Variants in KCNQ5 observed in about 807,000 individuals in gnomAD.
The protein encoded by KCNQ5 is potassium voltage-gated channel subfamily KQT member 5.
In KCNQ5, 30 loss-of-function variants were observed where a neutral mutation model predicts 98.2. That is an observed-to-expected ratio of 0.31 (90% CI 0.23 to 0.41). The LOEUF (loss-of-function observed/expected upper bound fraction) is 0.41. KCNQ5 is among the 10% of genes least tolerant of loss of function. KCNQ5 has a pLI of 1.00. For missense variants in KCNQ5, 835 were observed against 1,182.5 expected, an observed-to-expected ratio of 0.71 and a Z score of 4.31; for synonymous variants, 458 against 449.4, an observed-to-expected ratio of 1.02 and a Z score of -0.24.
chr6:73,167,206 A>G (rs942120204), intron 10 of KCNQ5, among the ~76,000 whole-genome samples: 2 of 152,190 alleles, frequency 1.3e-5, no homozygotes, highest in Admixed American at 1.3e-4. Flanking sequence ...GTCAGAACCA[A>G]CTGTCAAACA....
chr6:72,834,513 G>T (rs1329100314), intron 1 of KCNQ5, among the ~76,000 whole-genome samples: 1 of 152,096 alleles, frequency 6.6e-6, no homozygotes, highest in Admixed American at 6.6e-5. Context: ...TTGATAATTT[G>T]CAAGACCTGA....
At chr6:72,775,847 GC>G (rs879841682) in intron 1 of KCNQ5, among the ~76,000 whole-genome samples, 6 of 152,138 alleles carry the variant, frequency 3.9e-5, no homozygotes, top group Non-Finnish European at 5.9e-5. Context: ...AACAAGGAAA[GC>G]CTGAGAACTT....
chr6:72,747,125 T>C (rs1771445654), intron 1 of KCNQ5, among the ~76,000 whole-genome samples: 1 of 152,164 alleles, frequency 6.6e-6, no homozygotes, highest in Non-Finnish European at 1.5e-5. Context: ...CTAACTGATA[T>C]TTGATATCTC....
chr6:73,178,465 A>G (rs1284638486), intron 11 of KCNQ5, among the ~76,000 whole-genome samples: 1 of 149,324 alleles, frequency 6.7e-6, no homozygotes, highest in Non-Finnish European at 1.5e-5. Flanking sequence ...AGAGCCTACT[A>G]GATCCTGCAT....
intron 2 of KCNQ5, among the ~76,000 whole-genome samples, chr6:73,021,157 C>T (rs1462834517): frequency 6.6e-6 from 1 of 152,178 alleles, no homozygotes; most frequent in African/African-American, 2.4e-5. Flanking sequence ...CCCTTGTGTT[C>T]TGGGGTTCAA....
At chr6:72,847,041 T>C (rs1777051440) in intron 1 of KCNQ5, among the ~76,000 whole-genome samples, 1 of 152,104 alleles carries the variant, frequency 6.6e-6, no homozygotes, top group Admixed American at 6.5e-5. Flanking sequence ...AAATAGAAAG[T>C]AAAGTGGATA....
intron 1 of KCNQ5, among the ~76,000 whole-genome samples, chr6:72,870,470 C>T (rs998865560): frequency 2.6e-5 from 4 of 151,978 alleles, no homozygotes; most frequent in South Asian, 2.1e-4. Context: ...AGGCTGCTCT[C>T]GGACTCCTGG....
chr6:73,168,492 CA>C (rs1777885733), intron 10 of KCNQ5, among the ~76,000 whole-genome samples: 1 of 152,136 alleles, frequency 6.6e-6, no homozygotes, highest in African/African-American at 2.4e-5. Flanking sequence ...CACTTGAGGC[CA>C]GTAGTTTGAG....
chr6:72,674,501 C>T (rs912198178), intron 1 of KCNQ5, among the ~76,000 whole-genome samples: 3 of 152,018 alleles, frequency 2.0e-5, no homozygotes, highest in Non-Finnish European at 2.9e-5. Context: ...CCGGGTATGG[C>T]GGCTCACACG....
At position 72,705,599 on chromosome 6, in the gene KCNQ5, T is replaced by TTTTTG. The variant is rs61085754; in HGVS notation, c.398+83014_398+83015insTTGTT. Among the ~76,000 whole-genome samples the TTTTTG allele has an allele frequency of 1.4e-3, 205 of 151,328 alleles. 1 individual carries two copies. Among genetic ancestry groups the TTTTTG allele is most frequent in the African/African-American group, 3.8e-3 (156 of 41,160 alleles). ...TTTTGTTGTTGTTTTTGTTTTTTTTTTTGTTGTTGTTGTTTTGCTAAAGCA... is the reference window on the plus strand; with the variant it reads ...TTTTGTTGTTGTTTTTGTTTTTTTTTTTTTGTTGTTGTTGTTGTTTTGCTAAAGCA... On this transcript the variant is annotated intron_variant, in intron 1 of 13. Coordinates refer to ENST00000370398, the MANE Select transcript of KCNQ5 (RefSeq NM_019842.4).
chr6:72,655,026 GTCTTTCTTTCTTTCTTTCTTTCTT>G (rs55711635), intron 1 of KCNQ5, among the ~76,000 whole-genome samples: 32 of 105,884 alleles, frequency 3.0e-4, no homozygotes, highest in Non-Finnish European at 4.0e-4. Context: ...AGGTCTGTCT[GTCTTTCTTTCTTTCTTTCTTTCTT>G]TCTTTCTTTC....
chr6:72,909,536 G>A (rs1347803690), intron 1 of KCNQ5, among the ~76,000 whole-genome samples: 1 of 152,148 alleles, frequency 6.6e-6, no homozygotes, highest in Non-Finnish European at 1.5e-5. Flanking sequence ...TGGTTTAGGT[G>A]GGGAGACAGC....
chr6:73,106,275 G>A (rs754373613), intron 6 of KCNQ5, among the ~76,000 whole-genome samples: 1 of 152,036 alleles, frequency 6.6e-6, no homozygotes, highest in Non-Finnish European at 1.5e-5. Flanking sequence ...TCACCAGATC[G>A]TTCTGCCCCA....
intron 1 of KCNQ5, among the ~76,000 whole-genome samples, chr6:72,690,790 C>G (rs1300980921): frequency 6.6e-6 from 1 of 150,936 alleles, no homozygotes; most frequent in Non-Finnish European, 1.5e-5. Flanking sequence ...TGTATGTGTT[C>G]TTTTGCAGTT....
At chr6:72,649,979 GT>G (rs1216812277) in intron 1 of KCNQ5, among the ~76,000 whole-genome samples, 1 of 152,032 alleles carries the variant, frequency 6.6e-6, no homozygotes. Flanking sequence ...CAAGTGCTAT[GT>G]TTTTTCTGAC....
At chr6:72,704,637 T>A (rs1394362664) in intron 1 of KCNQ5, among the ~76,000 whole-genome samples, 1 of 150,156 alleles carries the variant, frequency 6.7e-6, no homozygotes, top group African/African-American at 2.4e-5. Flanking sequence ...TTATAAATGA[T>A]AAAAAAAAAA....
At chr6:72,980,052 A>G (rs2150295635) in intron 1 of KCNQ5, among the ~76,000 whole-genome samples, 1 of 152,320 alleles carries the variant, frequency 6.6e-6, no homozygotes, top group East Asian at 1.9e-4. Flanking sequence ...TTTTGGTACC[A>G]GTACCATGCT....
chr6:72,675,495 T>G (rs1422332245), intron 1 of KCNQ5, among the ~76,000 whole-genome samples: 1 of 152,234 alleles, frequency 6.6e-6, no homozygotes, highest in African/African-American at 2.4e-5. Flanking sequence ...ATTTCAATTT[T>G]CAGTTCTGCC....
At chr6:72,964,063 A>T (rs908084785) in intron 1 of KCNQ5, among the ~76,000 whole-genome samples, 2 of 152,112 alleles carry the variant, frequency 1.3e-5, no homozygotes. Context: ...TGCTTGAGAA[A>T]ATTTTTTAAA....
Sources: gnomAD v4.1 joint callset for allele counts (sites outside exome capture counted in the v4.1 genomes callset) on GRCh38, gnomAD v4.1.1 for gene constraint, MANE v1.5 for transcripts, NCBI Gene and HGNC (gene_info 2026-07-23, HGNC 2026-07-21) for gene names.